Variants in TMCO4 observed in about 807,000 individuals in gnomAD.
The protein encoded by TMCO4 is transmembrane and coiled-coil domains 4, also known as transmembrane and coiled-coil domain-containing protein 4.
In TMCO4, 58 loss-of-function variants were observed where a neutral mutation model predicts 64.7. The observed-to-expected ratio is 0.90, with a 90% CI of 0.73 to 1.12. The LOEUF (loss-of-function observed/expected upper bound fraction) is 1.12. Ranked by LOEUF, TMCO4 falls within the 50% of genes most tolerant of loss-of-function variation. The pLI is 0.00. For synonymous variants in TMCO4, 325 were observed against 346.1 expected (o/e 0.94, Z 0.68); for missense variants, 780 against 825.9 (o/e 0.94, Z 0.68).
intron 13 of TMCO4, among the ~76,000 whole-genome samples, chr1:19,720,250 G>C (rs1231517080): frequency 6.6e-6 from 1 of 152,104 alleles, no homozygotes; most frequent in Non-Finnish European, 1.5e-5. Flanking sequence ...GAGTCCTCCC[G>C]CCTCGGCCTT....
At chr1:19,765,980 C>T (rs917823073) in intron 6 of TMCO4, among the ~76,000 whole-genome samples, 3 of 152,056 alleles carry the variant, frequency 2.0e-5, no homozygotes, top group African/African-American at 7.2e-5. Flanking sequence ...AGCATCTAAG[C>T]TCATTCTCCA....
intron 4 of TMCO4, among the ~76,000 whole-genome samples, chr1:19,779,207 C>T (rs1356793949): frequency 1.3e-5 from 2 of 152,174 alleles, no homozygotes; most frequent in Non-Finnish European, 2.9e-5. Context: ...TCTTGTGCTC[C>T]CTGTCCTAGT....
At chr1:19,702,379 G>T (rs2095278949) in intron 13 of TMCO4, among the ~76,000 whole-genome samples, 2 of 152,024 alleles carry the variant, frequency 1.3e-5, no homozygotes, top group South Asian at 4.2e-4. Context: ...ATCACTGAAG[G>T]CCAGGATTTA....
intron 15 of TMCO4, among the ~76,000 whole-genome samples, chr1:19,686,569 T>C (rs180770762): frequency 6.6e-6 from 1 of 152,354 alleles, no homozygotes; most frequent in Non-Finnish European, 1.5e-5. Context: ...CACGAATGCT[T>C]TTAAACAGAT....
chr1:19,740,919 A>G lies in TMCO4; in HGVS notation c.900T>C (p.Ala300=), dbSNP rs778273301. The G allele has an allele frequency of 6.8e-6, 11 of 1,612,256 alleles. No individual in the cohort carries two copies. Among genetic ancestry groups the G allele is most frequent in the Middle Eastern group, 1.7e-4 (1 of 5,976 alleles). Residue 300 remains alanine (A), a synonymous_variant, in exon 11 of 16, where the codon GCT becomes GCC. Transcript: ENST00000294543. ...GKYRTFSAPW[A]ALAHSREQYC... ...ACTGCTCACGGCTGTGGGCCAGGGC[A>G]GCCCACGGGGCACTGAAGGTGCCTG...
At chr1:19,690,993 C>A (rs932383906) in intron 15 of TMCO4, among the ~76,000 whole-genome samples, 1 of 151,814 alleles carries the variant, frequency 6.6e-6, no homozygotes, top group Admixed American at 6.6e-5. Flanking sequence ...CTCAGCCTCC[C>A]GAGTAGCTGG....
At chr1:19,776,840 A>T (rs866107071) in intron 4 of TMCO4, among the ~76,000 whole-genome samples, 3 of 152,138 alleles carry the variant, frequency 2.0e-5, no homozygotes, top group Admixed American at 6.5e-5. Flanking sequence ...TAGCCTGGCC[A>T]ACACGGTGAA....
intron 2 of TMCO4, among the ~76,000 whole-genome samples, chr1:19,792,141 C>T (rs1446262606): frequency 1.3e-5 from 2 of 152,192 alleles, no homozygotes; most frequent in African/African-American, 4.8e-5. Flanking sequence ...ATAAATTACC[C>T]AGTCTCGGGT....
intron 6 of TMCO4, among the ~76,000 whole-genome samples, chr1:19,760,380 C>T (rs2100968907): frequency 6.6e-6 from 1 of 152,282 alleles, no homozygotes; most frequent in East Asian, 1.9e-4. Context: ...CAGTCCACTC[C>T]TTCCTAGTCT....
At chr1:19,697,094 G>A (rs868216434) in intron 14 of TMCO4, among the ~76,000 whole-genome samples, 3 of 152,334 alleles carry the variant, frequency 2.0e-5, no homozygotes, top group East Asian at 3.9e-4. Flanking sequence ...TCAGGGAGCC[G>A]CGGGCATGAC....
intron 15 of TMCO4, among the ~76,000 whole-genome samples, chr1:19,685,637 G>T (rs184721847): frequency 6.6e-6 from 1 of 151,554 alleles, no homozygotes; most frequent in Admixed American, 6.6e-5. Context: ...TGAGCCACAC[G>T]GAGGTAAAGT....
chr1:19,771,903 C>A (rs546032453), intron 4 of TMCO4, among the ~76,000 whole-genome samples: 6 of 152,242 alleles, frequency 3.9e-5, no homozygotes, highest in Admixed American at 1.3e-4. Flanking sequence ...GGTGATCCAC[C>A]CGCCCCGGCC....
At chr1:19,761,717 C>A (rs1003180669) in intron 6 of TMCO4, among the ~76,000 whole-genome samples, 5 of 152,212 alleles carry the variant, frequency 3.3e-5, no homozygotes, top group Non-Finnish European at 7.3e-5. Flanking sequence ...TGGGGTAGGG[C>A]TTAGGAATCT....
rs149670396 is a variant in TMCO4, at chr1:19,732,234, C to T, written c.1264+5138G>A. Among the ~76,000 whole-genome samples the T allele has an allele frequency of 2.7e-3, 413 of 152,286 alleles. 10 individuals carry two copies. The East Asian group carries it at 0.051, about 19-fold the overall frequency. ...TCACCCAGGCTGGAGTGCAGTGGCA[C>T]GATCATGGCTCACTGCATCTTCAAC... On this transcript the variant is annotated intron_variant, in intron 13 of 15. Transcript: ENST00000294543. This position sits in a 1 kb window ranked among gnomAD's most constrained non-coding sequence, Gnocchi z 4.8.
At chr1:19,773,793 C>T (rs1414295187) in intron 4 of TMCO4, among the ~76,000 whole-genome samples, 4 of 152,080 alleles carry the variant, frequency 2.6e-5, no homozygotes, top group African/African-American at 9.7e-5. Context: ...AGTAGAGGCT[C>T]AACTACATGA....
chr1:19,762,036 C>T (rs61768298), intron 6 of TMCO4, among the ~76,000 whole-genome samples: 17,846 of 152,256 alleles, frequency 0.12, 1,150 homozygotes, highest in Non-Finnish European at 0.13. Flanking sequence ...GAAGAAAGAA[C>T]AGGTGCAGAG....
intron 2 of TMCO4, among the ~76,000 whole-genome samples, chr1:19,791,188 A>G (rs2044015498): frequency 6.6e-6 from 1 of 152,128 alleles, no homozygotes; most frequent in South Asian, 2.1e-4. Flanking sequence ...AGCATTAGGA[A>G]AAACAGCTAA....
chr1:19,747,537 T>C (rs994070120), intron 7 of TMCO4, among the ~76,000 whole-genome samples: 1 of 152,008 alleles, frequency 6.6e-6, no homozygotes, highest in Admixed American at 6.6e-5. Flanking sequence ...AAAATAATAA[T>C]AGCAAGAGAA....
chr1:19,719,940 C>T (rs2095373931), intron 13 of TMCO4, among the ~76,000 whole-genome samples: 1 of 151,580 alleles, frequency 6.6e-6, no homozygotes, highest in Non-Finnish European at 1.5e-5. Context: ...TGCAGTGAGC[C>T]AAGATCACAC....
Sources: allele counts gnomAD v4.1 joint callset (sites outside exome capture counted in the v4.1 genomes callset), GRCh38; gene constraint gnomAD v4.1.1; non-coding constraint Gnocchi (gnomAD v3.1); transcripts MANE v1.5; gene names NCBI Gene and HGNC (gene_info 2026-07-23, HGNC 2026-07-21).